The following PALM2AKAP2 variants were observed in gnomAD, a reference collection of about 807,000 sequenced individuals.
PALM2AKAP2 encodes PALM2 and AKAP2 fusion.
Under a neutral mutation model 71.5 loss-of-function variants are expected in PALM2AKAP2, and 37 were observed. The observed-to-expected ratio is 0.52, with a 90% CI of 0.40 to 0.68. PALM2AKAP2 has a LOEUF of 0.68. PALM2AKAP2 is among the 30% of genes least tolerant of loss of function. The pLI is 0.00. For synonymous variants in PALM2AKAP2, 468 were observed against 478.8 expected, an observed-to-expected ratio of 0.98 and a Z score of 0.29; for missense variants, 1,224 against 1,191.8, an observed-to-expected ratio of 1.03 and a Z score of -0.40.
chr9:110,132,032 C>CGTGT (rs3063946), intron 1 of PALM2AKAP2, among the ~76,000 whole-genome samples: 16,031 of 147,356 alleles, frequency 0.11, 856 homozygotes, highest in South Asian at 0.14. Context: ...AAGTAACTAG[C>CGTGT]GTGTGTGTGT....
intron 3 of PALM2AKAP2, among the ~76,000 whole-genome samples, chr9:109,922,396 T>C (rs1360596522): frequency 1.8e-5 from 2 of 112,104 alleles, no homozygotes; most frequent in African/African-American, 7.0e-5. Context: ...CACTCCAGCC[T>C]GGGTGACAGA....
intron 1 of PALM2AKAP2, among the ~76,000 whole-genome samples, chr9:109,652,385 C>T (rs946103870): frequency 6.6e-6 from 1 of 152,114 alleles, no homozygotes; most frequent in Non-Finnish European, 1.5e-5. Context: ...ACCTCCTCCC[C>T]TCTCTCTTGC....
intron 1 of PALM2AKAP2, among the ~76,000 whole-genome samples, chr9:110,095,316 T>C (rs1043471065): frequency 6.6e-5 from 10 of 152,180 alleles, no homozygotes; most frequent in African/African-American, 2.2e-4. Context: ...GAATATATGA[T>C]GCAGGATGGA....
chr9:109,648,711 G>A (rs1167732889), intron 1 of PALM2AKAP2, among the ~76,000 whole-genome samples: 2 of 152,138 alleles, frequency 1.3e-5, no homozygotes, highest in Non-Finnish European at 2.9e-5. Flanking sequence ...TGCTTTGTGG[G>A]CTCAGTGTTA....
At chr9:109,968,925 G>A (rs151274393) in intron 6 of PALM2AKAP2, among the ~76,000 whole-genome samples, 10 of 152,228 alleles carry the variant, frequency 6.6e-5, no homozygotes, top group Non-Finnish European at 1.3e-4. Flanking sequence ...GTTCCTCTCC[G>A]GGCTATAAAA....
upstream of PALM2AKAP2, among the ~76,000 whole-genome samples, chr9:110,044,034 T>G (rs908429232): frequency 4.6e-5 from 7 of 152,292 alleles, no homozygotes; most frequent in African/African-American, 1.7e-4. Flanking sequence ...TTGTTTTTTC[T>G]ATTAAGGAGT....
At chr9:109,910,044 G>A (rs117458136) in intron 3 of PALM2AKAP2, among the ~76,000 whole-genome samples, 1 of 152,198 alleles carries the variant, frequency 6.6e-6, no homozygotes, top group Non-Finnish European at 1.5e-5. Flanking sequence ...ATTTAGGAGA[G>A]AGCCTATACT....
At chr9:109,689,269 C>A (rs956676866) in intron 1 of PALM2AKAP2, among the ~76,000 whole-genome samples, 1 of 147,386 alleles carries the variant, frequency 6.8e-6, no homozygotes, top group African/African-American at 2.5e-5. Flanking sequence ...ATGGTGCCAT[C>A]TCAGCTCACT....
At chr9:109,767,179 C>T (rs368425705) in intron 1 of PALM2AKAP2, among the ~76,000 whole-genome samples, 2 of 152,184 alleles carry the variant, frequency 1.3e-5, no homozygotes, top group East Asian at 3.8e-4. Flanking sequence ...CCTAGGGGTC[C>T]ATGTTCCCCT....
chr9:110,023,154 A>G (rs1410617514), intron 7 of PALM2AKAP2, among the ~76,000 whole-genome samples: 1 of 151,386 alleles, frequency 6.6e-6, no homozygotes, highest in Non-Finnish European at 1.5e-5. Flanking sequence ...GAATCGCCAC[A>G]CTGACTTCCA....
chr9:109,807,952 C>T (rs1176374729), intron 1 of PALM2AKAP2, among the ~76,000 whole-genome samples: 1 of 152,176 alleles, frequency 6.6e-6, no homozygotes, highest in African/African-American at 2.4e-5. Flanking sequence ...CTTCCTGCCA[C>T]CATATGAAGA....
At chr9:109,791,202 G>A (rs1334572087) in intron 1 of PALM2AKAP2, among the ~76,000 whole-genome samples, 2 of 152,208 alleles carry the variant, frequency 1.3e-5, no homozygotes, top group East Asian at 1.9e-4. Flanking sequence ...ACACTGGAGT[G>A]AGAATGATAT....
chr9:109,698,269 T>G (rs908785674), intron 1 of PALM2AKAP2, among the ~76,000 whole-genome samples: 1 of 147,796 alleles, frequency 6.8e-6, no homozygotes, highest in Non-Finnish European at 1.5e-5. Context: ...GCATGTGTGC[T>G]ACATTTTTTT....
At chr9:109,898,679 C>G (rs1034227632) in intron 3 of PALM2AKAP2, among the ~76,000 whole-genome samples, 13 of 152,294 alleles carry the variant, frequency 8.5e-5, no homozygotes, top group Middle Eastern at 3.4e-3. Context: ...TTTGGAACAG[C>G]CATTTGTTAA....
chr9:109,849,341 C>A (rs2131617361), intron 1 of PALM2AKAP2, among the ~76,000 whole-genome samples: 1 of 152,310 alleles, frequency 6.6e-6, no homozygotes, highest in Middle Eastern at 3.4e-3. Flanking sequence ...AGGCACCCAG[C>A]TGGTGATTTG....
In PALM2AKAP2 at chr9:109,840,518, G is replaced by T. The variant is rs1180660408; in HGVS notation, c.46-26973G>T. Among the ~76,000 whole-genome samples, 7 of 152,278 alleles carry T rather than the reference G, an allele frequency of 4.6e-5. 1 individual carries two copies. The East Asian group carries it at 1.4e-3, about 29-fold the overall frequency. On this transcript the variant is annotated intron_variant, in intron 1 of 9. Transcript: ENST00000302798. Reference sequence around the variant, plus strand: ...CAACAGAAGCCAAAATTGACAAATGGGATCTAATTAAACTCAAGAGCTTCT... The same window carrying T: ...CAACAGAAGCCAAAATTGACAAATGTGATCTAATTAAACTCAAGAGCTTCT...
intron 1 of PALM2AKAP2, among the ~76,000 whole-genome samples, chr9:109,746,173 CAG>C (rs1828798173): frequency 6.6e-6 from 1 of 152,190 alleles, no homozygotes; most frequent in African/African-American, 2.4e-5. Context: ...CTTAGAGTGA[CAG>C]CCAGCAGGGA....
At chr9:109,853,175 G>T (rs1829066904) in intron 1 of PALM2AKAP2, among the ~76,000 whole-genome samples, 1 of 152,128 alleles carries the variant, frequency 6.6e-6, no homozygotes, top group South Asian at 2.1e-4. Flanking sequence ...TCCCCCCAGG[G>T]TTATAGTGAG....
At chr9:109,691,863 TATATACACAC>T (rs1409050580) in intron 1 of PALM2AKAP2, among the ~76,000 whole-genome samples, 3 of 43,728 alleles carry the variant, frequency 6.9e-5, no homozygotes, top group Admixed American at 2.7e-4. Context: ...TATATATATA[TATATACACAC>T]ACACACACAT....
Sources: allele counts gnomAD v4.1 joint callset (sites outside exome capture counted in the v4.1 genomes callset), GRCh38; gene constraint gnomAD v4.1.1; transcripts MANE v1.5; gene names NCBI Gene and HGNC (gene_info 2026-07-23, HGNC 2026-07-21).